Variants in ROBO1 observed in about 807,000 individuals in gnomAD.
ROBO1 encodes the protein roundabout guidance receptor 1.
A neutral mutation model predicts 195.9 loss-of-function variants in ROBO1; 149 were observed. The observed-to-expected ratio is 0.76, with a 90% CI of 0.67 to 0.87. The LOEUF is 0.87. Ranked by LOEUF, ROBO1 falls within the 40% of genes least tolerant of loss-of-function variation. The pLI is 0.00. For missense variants in ROBO1, 1,933 were observed against 2,068.3 expected (o/e 0.93, Z 1.27); for synonymous variants, 816 against 733.2 (o/e 1.11, Z -1.82).
At chr3:79,724,373 T>A (rs1295282500) in intron 1 of ROBO1, among the ~76,000 whole-genome samples, 1 of 152,232 alleles carries the variant, frequency 6.6e-6, no homozygotes, top group Non-Finnish European at 1.5e-5. Context: ...CCACTGATAT[T>A]CGCTGCCCCC....
chr3:79,447,753 T>A (rs2039312604), intron 2 of ROBO1, among the ~76,000 whole-genome samples: 1 of 152,196 alleles, frequency 6.6e-6, no homozygotes. Context: ...TAGAGTTGTT[T>A]ATTTTTCTAT....
intron 2 of ROBO1, among the ~76,000 whole-genome samples, chr3:79,587,971 G>C (rs938606381): frequency 6.6e-6 from 1 of 151,512 alleles, no homozygotes; most frequent in Admixed American, 6.6e-5. Context: ...GAACTCTGTA[G>C]TCCTGAAAAA....
At chr3:79,549,814 G>A (rs1942409993) in intron 2 of ROBO1, among the ~76,000 whole-genome samples, 1 of 146,408 alleles carries the variant, frequency 6.8e-6, no homozygotes, top group African/African-American at 2.8e-5. Flanking sequence ...AAAAGTAAAG[G>A]GAATCTCAGT....
At chr3:79,613,442 T>C (rs1328204028) in intron 1 of ROBO1, among the ~76,000 whole-genome samples, 3 of 151,910 alleles carry the variant, frequency 2.0e-5, no homozygotes, top group African/African-American at 7.2e-5. Flanking sequence ...ACAAAATCAT[T>C]AGAAATTATT....
intron 3 of ROBO1, chr3:79,019,133 C>T: frequency 1.0e-6 from 1 of 986,314 alleles, no homozygotes; most frequent in Non-Finnish European, 1.2e-6. Context: ...CTGGAGACAG[C>T]AGCAGGACCG....
intron 2 of ROBO1, among the ~76,000 whole-genome samples, chr3:79,574,823 T>C (rs1943397639): frequency 1.3e-5 from 2 of 151,670 alleles, no homozygotes; most frequent in South Asian, 2.1e-4. Context: ...TGACATATCA[T>C]GATAGTGAAT....
chr3:78,815,073 C>T (rs2084858242), intron 4 of ROBO1, among the ~76,000 whole-genome samples: 2 of 152,094 alleles, frequency 1.3e-5, no homozygotes, highest in Non-Finnish European at 1.5e-5. Context: ...CAGGTTCAGA[C>T]TGTTCTACCA....
chr3:79,555,569 G>C (rs1206106941), intron 2 of ROBO1, among the ~76,000 whole-genome samples: 1 of 152,102 alleles, frequency 6.6e-6, no homozygotes, highest in Non-Finnish European at 1.5e-5. Context: ...TTCCAAAACT[G>C]TGTTGGATTG....
At position 78,657,719 on chromosome 3, in the gene ROBO1, TAGG is replaced by T. The variant is rs570965708; in HGVS notation, c.2443-453_2443-451del. ...CCAGATATTGTAAAACAAAAATGAG[TAGG>T]AAACGCCAAGCCTCGTACTTCAACA... On this transcript the variant is annotated intron_variant, in intron 17 of 30. Transcript: ENST00000464233. Among the ~76,000 whole-genome samples the T allele has an allele frequency of 1.1e-4, 17 of 152,212 alleles. No homozygotes were observed. In the South Asian group the frequency reaches 3.5e-3, roughly 32 times the overall value.
intron 2 of ROBO1, among the ~76,000 whole-genome samples, chr3:79,522,122 T>G (rs994777651): frequency 6.6e-6 from 1 of 152,150 alleles, no homozygotes; most frequent in Non-Finnish European, 1.5e-5. Flanking sequence ...GCTGTGCAAC[T>G]CCAAAGAAAT....
chr3:79,542,160 C>T (rs554312535), intron 2 of ROBO1, among the ~76,000 whole-genome samples: 2 of 151,970 alleles, frequency 1.3e-5, no homozygotes, highest in African/African-American at 2.4e-5. Flanking sequence ...TCTTTCATCT[C>T]CAAAGGACTG....
intron 2 of ROBO1, among the ~76,000 whole-genome samples, chr3:79,142,133 ATG>A (rs1311249810): frequency 6.6e-6 from 1 of 152,188 alleles, no homozygotes; most frequent in African/African-American, 2.4e-5. Flanking sequence ...TTTTTAAGAA[ATG>A]TGTTTATTTG....
intron 2 of ROBO1, among the ~76,000 whole-genome samples, chr3:79,245,952 G>T (rs2082617648): frequency 6.6e-6 from 1 of 152,034 alleles, no homozygotes; most frequent in Admixed American, 6.6e-5. Flanking sequence ...TGGGGGAACA[G>T]CTGTATCTCT....
chr3:78,675,018 G>A (rs545083883), intron 10 of ROBO1, among the ~76,000 whole-genome samples: 1 of 152,114 alleles, frequency 6.6e-6, no homozygotes, highest in African/African-American at 2.4e-5. Flanking sequence ...GGTCATACTA[G>A]CTTATTGGAG....
At chr3:78,749,651 G>A (rs181899183) in intron 4 of ROBO1, among the ~76,000 whole-genome samples, 1 of 152,142 alleles carries the variant, frequency 6.6e-6, no homozygotes, top group East Asian at 1.9e-4. Flanking sequence ...AAAACTATAT[G>A]AAACTTTTAG....
chr3:78,910,455 T>G (rs1278960472), intron 4 of ROBO1, among the ~76,000 whole-genome samples: 1 of 151,942 alleles, frequency 6.6e-6, no homozygotes, highest in East Asian at 1.9e-4. Context: ...TTACTGTTTC[T>G]AATCCTACTA....
chr3:79,187,813 G>A (rs76223368), intron 2 of ROBO1, among the ~76,000 whole-genome samples: 20,472 of 151,874 alleles, frequency 0.13, 2,216 homozygotes, highest in African/African-American at 0.3. Context: ...ATTTTAAGCT[G>A]TCCTAATACA....
At chr3:78,756,679 T>C (rs180692799) in intron 4 of ROBO1, among the ~76,000 whole-genome samples, 80 of 152,268 alleles carry the variant, frequency 5.3e-4, no homozygotes, top group African/African-American at 1.7e-3. Flanking sequence ...GTGTATTTCA[T>C]AGCATGCTTT....
chr3:79,734,487 T>C (rs922470133), intron 1 of ROBO1, among the ~76,000 whole-genome samples: 1 of 152,212 alleles, frequency 6.6e-6, no homozygotes, highest in African/African-American at 2.4e-5. Flanking sequence ...TAAAACTGTT[T>C]TGCAAAAAAT....
Sources: gnomAD v4.1 joint callset for allele counts (sites outside exome capture counted in the v4.1 genomes callset) on GRCh38, gnomAD v4.1.1 for gene constraint, MANE v1.5 for transcripts, NCBI Gene and HGNC (gene_info 2026-07-23, HGNC 2026-07-21) for gene names.